Variants in ASCC3 observed in about 807,000 individuals in gnomAD.
ASCC3 encodes the protein ASC-1 complex subunit P200.
A neutral mutation model predicts 256.3 loss-of-function variants in ASCC3; 158 were observed. The observed-to-expected ratio is 0.62, with a 90% CI of 0.54 to 0.70. The LOEUF is 0.70. ASCC3 is among the 30% of genes least tolerant of loss of function. The probability of loss-of-function intolerance (pLI) is 0.00; values close to 1 mark genes in which losing one functional copy is unlikely to be tolerated. For missense variants in ASCC3, 2,259 were observed against 2,626.0 expected (o/e 0.86, Z 3.05); for synonymous variants, 948 against 883.4 (o/e 1.07, Z -1.30).
intron 4 of ASCC3, among the ~76,000 whole-genome samples, chr6:100,837,649 T>C (rs1771940201): frequency 6.6e-6 from 1 of 152,128 alleles, no homozygotes; most frequent in Non-Finnish European, 1.5e-5. Context: ...AAATACTGTT[T>C]GATCTCACTC....
Position 100,651,587 on chromosome 6 carries a change from G to T in ASCC3, c.3048C>A (p.Ser1016=). The part of the protein sequence containing the change: ...KTEGDIFAIV[S]KAEEFDQIKV... The stretch of plus-strand genomic sequence containing the variant: ...TAATTTGATCAAATTCTTCAGCTTT[G>T]GAGACTATGGCAAAGATATCACCTT... Residue 1016 remains serine, a synonymous_variant, in exon 19 of 42, where the codon TCC becomes TCA. Transcript: ENST00000369162. The T allele has an allele frequency of 6.3e-7, 1 of 1,583,442 alleles. No individual in the cohort carries two copies. The highest frequency in any genetic ancestry group is 8.6e-7 in the Non-Finnish European group (1 of 1,162,224).
At chr6:100,700,231 C>A (rs1486082369) in intron 13 of ASCC3, among the ~76,000 whole-genome samples, 1 of 152,194 alleles carries the variant, frequency 6.6e-6, no homozygotes, top group East Asian at 1.9e-4. Context: ...TGCCTTCCAT[C>A]CCAGCTGCTC....
intron 13 of ASCC3, among the ~76,000 whole-genome samples, chr6:100,701,124 C>T (rs1330565917): frequency 6.6e-6 from 1 of 152,098 alleles, no homozygotes; most frequent in African/African-American, 2.4e-5. Context: ...AATAAATTGC[C>T]AAATAATCTA....
At chr6:100,665,948 AC>A (rs990100682) in intron 14 of ASCC3, among the ~76,000 whole-genome samples, 3 of 151,942 alleles carry the variant, frequency 2.0e-5, no homozygotes, top group Admixed American at 1.3e-4. Flanking sequence ...CCTTAAAAAA[AC>A]CCCCTCATGC....
At chr6:100,808,985 A>G (rs1410015352) in intron 4 of ASCC3, among the ~76,000 whole-genome samples, 1 of 151,988 alleles carries the variant, frequency 6.6e-6, no homozygotes, top group Admixed American at 6.6e-5. Flanking sequence ...ACTACTGTAC[A>G]AAAGATAAAA....
intron 8 of ASCC3, among the ~76,000 whole-genome samples, chr6:100,775,651 A>G (rs1782152113): frequency 1.3e-5 from 2 of 152,252 alleles, no homozygotes; most frequent in South Asian, 4.1e-4. Context: ...CATGCTGAAT[A>G]GAAACAGCAA....
intron 4 of ASCC3, among the ~76,000 whole-genome samples, chr6:100,822,075 A>T (rs1284262979): frequency 6.6e-6 from 1 of 152,100 alleles, no homozygotes; most frequent in Non-Finnish European, 1.5e-5. Flanking sequence ...AGGTGATGAA[A>T]ATGCTCTAAA....
At chr6:100,825,173 C>T (rs563882694) in intron 4 of ASCC3, among the ~76,000 whole-genome samples, 1 of 152,074 alleles carries the variant, frequency 6.6e-6, no homozygotes, top group African/African-American at 2.4e-5. Context: ...CAAGCTTGTC[C>T]AACCCGTGGC....
chr6:100,637,806 T>C (rs907861119), intron 25 of ASCC3, among the ~76,000 whole-genome samples: 8 of 152,184 alleles, frequency 5.3e-5, no homozygotes, highest in African/African-American at 1.4e-4. Flanking sequence ...TGGAGCCTGA[T>C]GATATAACTG....
chr6:100,766,726 C>T, intron 9 of ASCC3, 21 bp from the exon 10 acceptor site: 1 of 1,613,848 alleles, frequency 6.2e-7, no homozygotes, highest in East Asian at 2.2e-5. Context: ...GGAACACTAG[C>T]TTGATTAATG....
At chr6:100,719,345 A>C (rs774619974) in intron 11 of ASCC3, among the ~76,000 whole-genome samples, 2 of 152,230 alleles carry the variant, frequency 1.3e-5, no homozygotes, top group East Asian at 1.9e-4. Context: ...TTTTAAAGAA[A>C]TCTCTTTCAC....
intron 10 of ASCC3, among the ~76,000 whole-genome samples, chr6:100,745,606 G>T (rs1055943457): frequency 6.6e-6 from 1 of 151,986 alleles, no homozygotes; most frequent in Non-Finnish European, 1.5e-5. Context: ...TTAAGCATAT[G>T]TTTGCACTGT....
intron 8 of ASCC3, among the ~76,000 whole-genome samples, chr6:100,787,005 T>C (rs1672481556): frequency 6.6e-6 from 1 of 152,114 alleles, no homozygotes; most frequent in African/African-American, 2.4e-5. Context: ...ATGTGCAAAG[T>C]AAGATTTTAA....
chr6:100,862,497 G>C (rs1773273024), intron 3 of ASCC3, among the ~76,000 whole-genome samples: 1 of 152,102 alleles, frequency 6.6e-6, no homozygotes, highest in Non-Finnish European at 1.5e-5. Flanking sequence ...TCTATGAGAC[G>C]TAACAGAAAC....
chr6:100,524,113 T>C (rs1178086795), intron 37 of ASCC3, among the ~76,000 whole-genome samples: 2 of 152,118 alleles, frequency 1.3e-5, no homozygotes, highest in Non-Finnish European at 2.9e-5. Flanking sequence ...ATGATGAAGT[T>C]AAGGCTTGAT....
intron 37 of ASCC3, among the ~76,000 whole-genome samples, chr6:100,539,581 C>T (rs1196246399): frequency 6.6e-6 from 1 of 151,974 alleles, no homozygotes; most frequent in African/African-American, 2.4e-5. Flanking sequence ...CTTGAATATA[C>T]CAAGTAACTT....
At chr6:100,560,747 G>GC in intron 36 of ASCC3, among the ~76,000 whole-genome samples, 1 of 90,452 alleles carries the variant, frequency 1.1e-5, no homozygotes, top group African/African-American at 5.6e-5. Context: ...CATCTTAGAG[G>GC]AACACACACA....
intron 30 of ASCC3, among the ~76,000 whole-genome samples, chr6:100,621,569 A>G (rs1773954772): frequency 6.6e-6 from 1 of 152,212 alleles, no homozygotes; most frequent in South Asian, 2.1e-4. Context: ...AATGGCAATT[A>G]TTAAAAAGTC....
intron 34 of ASCC3, among the ~76,000 whole-genome samples, chr6:100,598,369 T>A (rs1016058362): frequency 6.6e-6 from 1 of 152,170 alleles, no homozygotes; most frequent in Non-Finnish European, 1.5e-5. Flanking sequence ...TACTCATTTA[T>A]TTACATGGAC....
Sources: gnomAD v4.1 joint callset for allele counts (sites outside exome capture counted in the v4.1 genomes callset) on GRCh38, gnomAD v4.1.1 for gene constraint, MANE v1.5 for transcripts, NCBI Gene and HGNC (gene_info 2026-07-23, HGNC 2026-07-21) for gene names.